Variants in FARS2 observed in about 807,000 individuals in gnomAD.
The protein encoded by FARS2 is phenylalanyl-tRNA synthetase 2, mitochondrial.
Under a neutral mutation model 46.4 loss-of-function variants are expected in FARS2, and 40 were observed. The ratio of observed to expected loss-of-function variants is 0.86; its 90% confidence interval spans 0.67 to 1.12. The LOEUF (loss-of-function observed/expected upper bound fraction) is 1.12, where lower values mean the gene tolerates loss of function less well. Among genes scored for constraint, FARS2 ranks in the 50% most tolerant of loss-of-function variants. The pLI is 0.00. For synonymous variants in FARS2, 234 were observed against 214.9 expected, an observed-to-expected ratio of 1.09 and a Z score of -0.78; for missense variants, 513 against 567.9, an observed-to-expected ratio of 0.90 and a Z score of 0.98.
At position 5,341,221 on chromosome 6, in the gene FARS2, ATATATATATATATATTTTTTTT is replaced by A. The variant is rs1451310501; in HGVS notation, c.-21-27327_-21-27306del. Among the ~76,000 whole-genome samples, 4 of 4,986 alleles carry A rather than the reference ATATATATATATATATTTTTTTT, an allele frequency of 8.0e-4. 1 individual carries two copies. The highest frequency in any genetic ancestry group is 3.2e-3 in the African/African-American group (4 of 1,258). The allele number at this position is 4,986 out of a possible 152,430, so 3.3% of individuals were successfully genotyped here. A position where few individuals can be genotyped will look rare whatever the true frequency, so the allele number is the denominator to read the frequency against. ...TATATATATATATATATATATATATATATATATATATATATTTTTTTTTTTTTTTTTTTTTTCCCTGTGAGAG... is the reference window on the plus strand; with the variant it reads ...TATATATATATATATATATATATATATTTTTTTTTTTTTTCCCTGTGAGAG... On this transcript the variant is annotated intron_variant, in intron 1 of 6. Coordinates refer to ENST00000274680, the MANE Select transcript of FARS2 (RefSeq NM_006567.5).
intron 4 of FARS2, among the ~76,000 whole-genome samples, chr6:5,444,266 C>A (rs369648656): frequency 1.3e-4 from 19 of 151,932 alleles, no homozygotes; most frequent in East Asian, 1.2e-3. Context: ...CAGGAGTTCG[C>A]GACCAGCCTG....
At chr6:5,649,263 G>A (rs988665220) in intron 6 of FARS2, among the ~76,000 whole-genome samples, 1 of 152,096 alleles carries the variant, frequency 6.6e-6, no homozygotes, top group Non-Finnish European at 1.5e-5. Flanking sequence ...ACATTTCTTT[G>A]GGTGCTGTGT....
chr6:5,489,810 A>G (rs749742530), intron 4 of FARS2, among the ~76,000 whole-genome samples: 6 of 152,234 alleles, frequency 3.9e-5, no homozygotes, highest in East Asian at 1.9e-4. Context: ...GTTGGAATAA[A>G]TAGGTTATGA....
At chr6:5,616,243 C>G (rs1322670918) in intron 6 of FARS2, among the ~76,000 whole-genome samples, 1 of 152,010 alleles carries the variant, frequency 6.6e-6, no homozygotes, top group Non-Finnish European at 1.5e-5. Context: ...AGTCTGGATC[C>G]CTGATGCTGT....
intron 1 of FARS2, among the ~76,000 whole-genome samples, chr6:5,352,167 A>G (rs1476300657): frequency 1.4e-5 from 2 of 147,928 alleles, no homozygotes; most frequent in Admixed American, 1.4e-4. Flanking sequence ...TTCATCTGCT[A>G]TCATTAGTGT....
chr6:5,606,788 C>T (rs1251215519), intron 5 of FARS2, among the ~76,000 whole-genome samples: 1 of 152,142 alleles, frequency 6.6e-6, no homozygotes, highest in African/African-American at 2.4e-5. Flanking sequence ...GGCTGGAGCA[C>T]AGCTGAAAAC....
chr6:5,444,468 A>G (rs1367826746), intron 4 of FARS2, among the ~76,000 whole-genome samples: 1 of 91,672 alleles, frequency 1.1e-5, no homozygotes, highest in Non-Finnish European at 1.9e-5. Context: ...CTCTGTCTCA[A>G]AAAAAAAAAA....
At position 5,279,374 on chromosome 6, in the gene FARS2, C is replaced by CA. The variant is rs34624808; in HGVS notation, c.-22+17727dup. Among the ~76,000 whole-genome samples the CA allele has an allele frequency of 1.3e-3, 127 of 100,606 alleles. 4 individuals are homozygous for CA. The highest frequency in any genetic ancestry group is 5.5e-3 in the Middle Eastern group (1 of 182). 66.0% of individuals were successfully genotyped at this position (100,606 alleles called of 152,430 possible). A position where few individuals can be genotyped will look rare whatever the true frequency, so the allele number is the denominator to read the frequency against. On this transcript the variant is annotated intron_variant, in intron 1 of 6. Transcript: ENST00000274680. ...TAGGTGACAGAGCAAGACTCCCTCT[C>CA]AAAAAAAAAAAAAGAAAAAGAAAAA...
At chr6:5,453,569 T>A (rs1330313911) in intron 4 of FARS2, among the ~76,000 whole-genome samples, 2 of 152,228 alleles carry the variant, frequency 1.3e-5, no homozygotes, top group African/African-American at 2.4e-5. Context: ...TTCTTACTAG[T>A]ATAATAGGAT....
intron 4 of FARS2, among the ~76,000 whole-genome samples, chr6:5,510,053 T>C (rs749352347): frequency 1.1e-4 from 17 of 152,190 alleles, no homozygotes; most frequent in Non-Finnish European, 2.5e-4. Context: ...TCTGGATAGA[T>C]GGCAAGAAGG....
intron 6 of FARS2, among the ~76,000 whole-genome samples, chr6:5,687,121 G>A (rs138806600): frequency 0.036 from 5,460 of 152,220 alleles, 319 homozygotes; most frequent in East Asian, 0.29. Context: ...TAAGTAGATT[G>A]CAAAAATTTT....
chr6:5,437,011 A>G (rs73352426), intron 4 of FARS2, among the ~76,000 whole-genome samples: 5,865 of 152,286 alleles, frequency 0.039, 376 homozygotes, highest in African/African-American at 0.13. Flanking sequence ...AATCAAGATG[A>G]TAAATGTTTT....
At chr6:5,270,732 A>G (rs537617537) in intron 1 of FARS2, among the ~76,000 whole-genome samples, 3 of 152,328 alleles carry the variant, frequency 2.0e-5, no homozygotes, top group South Asian at 2.1e-4. Flanking sequence ...AACACAGCCT[A>G]TGAGACCCTG....
intron 5 of FARS2, among the ~76,000 whole-genome samples, chr6:5,598,664 A>G (rs1161319230): frequency 6.6e-6 from 1 of 152,138 alleles, no homozygotes; most frequent in Non-Finnish European, 1.5e-5. Context: ...CAGAGAAAAA[A>G]CAGAAACAGT....
At chr6:5,334,231 T>C (rs781210499) in intron 1 of FARS2, among the ~76,000 whole-genome samples, 2 of 152,170 alleles carry the variant, frequency 1.3e-5, no homozygotes, top group African/African-American at 4.8e-5. Context: ...TTAATCACAG[T>C]GGTACAAAGG....
chr6:5,571,194 A>C (rs1772624740), intron 5 of FARS2, among the ~76,000 whole-genome samples: 1 of 152,212 alleles, frequency 6.6e-6, no homozygotes, highest in Admixed American at 6.5e-5. Flanking sequence ...TTGACTAATT[A>C]GTGTTATTGT....
chr6:5,313,836 ATTAAAT>A (rs1032046542), intron 1 of FARS2, among the ~76,000 whole-genome samples: 1 of 151,770 alleles, frequency 6.6e-6, no homozygotes, highest in African/African-American at 2.4e-5. Context: ...TTTAGAGAAA[ATTAAAT>A]TTAAAATAAA....
At chr6:5,690,359 T>C (rs538646715) in intron 6 of FARS2, among the ~76,000 whole-genome samples, 9 of 152,018 alleles carry the variant, frequency 5.9e-5, no homozygotes, top group East Asian at 3.9e-4. Context: ...GCATGTTTAG[T>C]GCTTCCTTCA....
chr6:5,634,390 C>A (rs1022773487), intron 6 of FARS2, among the ~76,000 whole-genome samples: 4 of 152,190 alleles, frequency 2.6e-5, no homozygotes, highest in Admixed American at 2.6e-4. Flanking sequence ...GCAGCCTTGA[C>A]CTTCCGGGCT....
Sources: allele counts gnomAD v4.1 joint callset (sites outside exome capture counted in the v4.1 genomes callset), GRCh38; gene constraint gnomAD v4.1.1; transcripts MANE v1.5; gene names NCBI Gene and HGNC (gene_info 2026-07-23, HGNC 2026-07-21).